A1CF: variants seen among roughly 807,000 people sequenced by gnomAD.
A1CF encodes the protein APOBEC1 complementation factor.
A1CF carries 48 observed loss-of-function variants against 68.9 expected under a neutral mutation model. The ratio of observed to expected loss-of-function variants is 0.70; its 90% CI spans 0.55 to 0.89. A1CF has a LOEUF of 0.89. Among genes scored for constraint, A1CF ranks in the 40% least tolerant of loss-of-function variants. The probability of loss-of-function intolerance (pLI) is 0.00; values close to 1 mark genes in which losing one functional copy is unlikely to be tolerated. For synonymous variants in A1CF, 272 were observed against 260.4 expected, an observed-to-expected ratio of 1.04 and a Z score of -0.43; for missense variants, 653 against 718.9, an observed-to-expected ratio of 0.91 and a Z score of 1.05.
chr10:50,828,300 T>G lies in A1CF; in HGVS notation c.605-5A>C. 6.5e-7 allele frequency: 1 copy of G among 1,540,520 alleles called. No homozygotes were observed. The highest frequency in any genetic ancestry group is 1.2e-5 in the South Asian group (1 of 80,672). On this transcript the variant is annotated splice_polypyrimidine_tract_variant and splice_region_variant and intron_variant, in intron 6 of 12. Coordinates refer to ENST00000373997, the MANE Select transcript of A1CF (RefSeq NM_014576.4). ...GTCCCCATAACTGAATTCTTCCTGT[T>G]GAAAATGATCACCATTATGATTAAT...
chr10:50,831,287 CA>C (rs1186764041), intron 6 of A1CF, among the ~76,000 whole-genome samples: 4 of 152,016 alleles, frequency 2.6e-5, no homozygotes, highest in Admixed American at 2.0e-4. Context: ...ACTTTCCGCA[CA>C]GCAAAGGAAA....
intron 1 of A1CF, among the ~76,000 whole-genome samples, chr10:50,882,026 T>C (rs1288630867): frequency 6.6e-6 from 1 of 152,376 alleles, no homozygotes; most frequent in Admixed American, 6.5e-5. Context: ...CAGCATATCT[T>C]ATACAGGACG....
intron 12 of A1CF, among the ~76,000 whole-genome samples, chr10:50,807,401 A>C (rs1370557919): frequency 6.6e-6 from 1 of 152,200 alleles, no homozygotes; most frequent in African/African-American, 2.4e-5. Flanking sequence ...AGTAGGAGAA[A>C]TACTGTAAAG....
rs771485369 is a variant in A1CF at position 50,853,795 on chromosome 10, C to CTT, written c.99+6045_99+6046dup. On this transcript the variant is annotated intron_variant, in intron 3 of 12. Coordinates refer to ENST00000373997, the MANE Select transcript of A1CF (RefSeq NM_014576.4). ...AAGGCCAAATAGTTGATATTTTAGG[C>CTT]TTTTTTTTAAAAAAAATGCTTAAAA... 3.4e-4 allele frequency among the ~76,000 whole-genome samples: 46 copies of CTT among 136,542 alleles called. 2 individuals are homozygous for CTT. The South Asian group carries it at 9.5e-3, about 28-fold the overall frequency. The allele number at this position is 136,542 out of a possible 152,430, so 89.6% of individuals were successfully genotyped here.
chr10:50,876,901 A>G (rs1841540224), intron 1 of A1CF, among the ~76,000 whole-genome samples: 1 of 152,204 alleles, frequency 6.6e-6, no homozygotes, highest in Admixed American at 6.5e-5. Context: ...ATATATACAT[A>G]TACTATGTTT....
At chr10:50,818,956 C>T (rs180879863) in intron 8 of A1CF, among the ~76,000 whole-genome samples, 1 of 152,072 alleles carries the variant, frequency 6.6e-6, no homozygotes, top group African/African-American at 2.4e-5. Context: ...ACATGGGGTC[C>T]TCTTTAGCCT....
At position 50,864,837 on chromosome 10, in the gene A1CF, C is replaced by T. The variant is rs566704782; in HGVS notation, c.-93-757G>A. Among the ~76,000 whole-genome samples, 8 of 152,140 alleles carry T rather than the reference C, an allele frequency of 5.3e-5. No homozygotes were observed. The East Asian group carries it at 1.6e-3, about 30-fold the overall frequency. On this transcript the variant is annotated intron_variant, in intron 1 of 12. Transcript: ENST00000373997. Reference sequence around the variant, plus strand: ...TTCTCCATGTTGGTCAGGCTGGTCTCGACCTCCTGGCCTCAGGTGATCCGC... The same window carrying T: ...TTCTCCATGTTGGTCAGGCTGGTCTTGACCTCCTGGCCTCAGGTGATCCGC...
chr10:50,876,359 A>G (rs1349202225), intron 1 of A1CF, among the ~76,000 whole-genome samples: 2 of 152,250 alleles, frequency 1.3e-5, no homozygotes, highest in African/African-American at 2.4e-5. Context: ...CACTTGGACA[A>G]GCTTATCAGA....
Position 50,830,534 on chromosome 10 carries a change from A to C in A1CF, c.605-2239T>G, listed in dbSNP as rs558663879. ...ATCTCATTTATAGTATCATCCCCCC[A>C]AAAATACTTAGAAATAAATTTAACC... On this transcript the variant is annotated intron_variant, in intron 6 of 12. Coordinates refer to ENST00000373997, the MANE Select transcript of A1CF (RefSeq NM_014576.4). Among the ~76,000 whole-genome samples the C allele has an allele frequency of 1.8e-4, 27 of 152,298 alleles. No homozygotes were observed. The South Asian group carries it at 4.8e-3, about 27-fold the overall frequency.
At chr10:50,869,284 C>G (rs1042225289) in intron 1 of A1CF, among the ~76,000 whole-genome samples, 2 of 151,934 alleles carry the variant, frequency 1.3e-5, no homozygotes, top group African/African-American at 4.8e-5. Context: ...AATGTGAGAG[C>G]GCCTAACATA....
At chr10:50,843,246 T>C (rs967715206) in intron 4 of A1CF, among the ~76,000 whole-genome samples, 5 of 152,192 alleles carry the variant, frequency 3.3e-5, no homozygotes, top group African/African-American at 1.2e-4. Flanking sequence ...AGATTCAGTA[T>C]ATAAGATTCT....
rs1837782480 is a variant in A1CF, at chr10:50,805,623, C to T, written c.*1106G>A. The stretch of plus-strand genomic sequence containing the variant: ...TCAGGTATGGTGAAGCTGCCTGATA[C>T]TTACTGAAACAAAAAGGAAGGAAAG... On this transcript the variant is annotated 3_prime_UTR_variant, in exon 13 of 13. Transcript: ENST00000373997. The T allele has an allele frequency of 2.0e-5, 3 of 152,148 alleles. No homozygotes were observed. Among genetic ancestry groups the T allele is most frequent in the African/African-American group, 7.2e-5 (3 of 41,406 alleles). 9.4% of individuals were successfully genotyped at this position (152,148 alleles called of 1,614,324 possible).
chr10:50,826,336 G>A (rs1448402721), intron 7 of A1CF, among the ~76,000 whole-genome samples: 1 of 152,094 alleles, frequency 6.6e-6, no homozygotes, highest in African/African-American at 2.4e-5. Context: ...TGAGAGGTCT[G>A]CATGGAATTA....
chr10:50,855,262 T>G (rs12414527), intron 3 of A1CF, among the ~76,000 whole-genome samples: 1 of 151,762 alleles, frequency 6.6e-6, no homozygotes, highest in Non-Finnish European at 1.5e-5. Context: ...AAGAAGTATA[T>G]GCTAGCTTTC....
chr10:50,862,001 ATGGGTATTC>A, intron 2 of A1CF, among the ~76,000 whole-genome samples: 1 of 151,410 alleles, frequency 6.6e-6, no homozygotes, highest in Non-Finnish European at 1.5e-5. Flanking sequence ...AGTAATAGCA[ATGGGTATTC>A]TACTACTGAA....
intron 7 of A1CF, 46 bp from the exon 8 acceptor site, chr10:50,820,695 C>G: frequency 2.7e-6 from 4 of 1,505,724 alleles, no homozygotes; most frequent in South Asian, 2.4e-5. Flanking sequence ...ATTAAGAGAG[C>G]CTTGAAAGTG....
At chr10:50,838,299 T>G (rs760285660) in intron 5 of A1CF, among the ~76,000 whole-genome samples, 6 of 152,138 alleles carry the variant, frequency 3.9e-5, no homozygotes, top group Non-Finnish European at 7.3e-5. Flanking sequence ...CAGGTCCATC[T>G]CAGTCTAGTA....
intron 1 of A1CF, among the ~76,000 whole-genome samples, chr10:50,883,448 A>G (rs1437907904): frequency 6.6e-6 from 1 of 152,154 alleles, no homozygotes; most frequent in Non-Finnish European, 1.5e-5. Context: ...CGAGGCACAA[A>G]GCCTAGTGTT....
At position 50,809,927 on chromosome 10, in the gene A1CF, C is replaced by A. The variant is rs779558102; in HGVS notation, c.1576G>T (p.Ala526Ser). 2.5e-6 allele frequency: 4 copies of A among 1,613,984 alleles called. No individual in the cohort carries two copies. The South Asian group carries it at 3.3e-5, about 13-fold the overall frequency. The change falls in exon 12 of 13, where the codon GCT becomes TCT. Residue 526 changes from alanine (A) to serine (S), a missense_variant. Ala to Ser is a moderately conservative substitution (Grantham distance 99). Transcript: ENST00000373997. ...GCAGTAGCAGCAGCAGCAGCAGTAG[C>A]CATGGTGCCATCGCCTCCATCAGTG... is the stretch of plus-strand genomic sequence containing the variant. Reference protein sequence around the residue: ...IPTDGGDGTMATAAAAATAFP... With the variant: ...IPTDGGDGTMSTAAAAATAFP...
Sources: allele counts gnomAD v4.1 joint callset (sites outside exome capture counted in the v4.1 genomes callset), GRCh38; gene constraint gnomAD v4.1.1; transcripts MANE v1.5; gene names NCBI Gene and HGNC (gene_info 2026-07-23, HGNC 2026-07-21).